Variants in FREM3 observed in about 807,000 individuals in gnomAD.
The protein encoded by FREM3 is FRAS1 related extracellular matrix 3.
A neutral mutation model predicts 129.1 loss-of-function variants in FREM3; 105 were observed. The ratio of observed to expected loss-of-function variants is 0.81; its 90% CI spans 0.69 to 0.96. FREM3 has a LOEUF of 0.96. Ranked by LOEUF, FREM3 falls within the 40% of genes least tolerant of loss-of-function variation. The pLI is 0.00. For synonymous variants in FREM3, 1,014 were observed against 1,044.9 expected (o/e 0.97, Z 0.57); for missense variants, 2,593 against 2,666.3 (o/e 0.97, Z 0.61).
intron 5 of FREM3, among the ~76,000 whole-genome samples, chr4:143,614,438 T>C (rs1738811060): frequency 6.6e-6 from 1 of 152,258 alleles, no homozygotes; most frequent in Non-Finnish European, 1.5e-5. Context: ...CTGGCGATTG[T>C]CTGTACATAT....
Position 143,577,354 on chromosome 4 carries a change from C to T in FREM3, c.*257G>A. 1 of 486,548 alleles carries T rather than the reference C, an allele frequency of 2.1e-6. No homozygotes were observed. The highest frequency in any genetic ancestry group is 4.7e-5 in the South Asian group (1 of 21,330). 30.1% of individuals were successfully genotyped at this position (486,548 alleles called of 1,614,324 possible). A position where few individuals can be genotyped will look rare whatever the true frequency, so the allele number is the denominator to read the frequency against. ...TGATCACAGTGGATTTCTTACTTGC[C>T]TCAGAAACAAAGTAAAACAAAATAG... On this transcript the variant is annotated 3_prime_UTR_variant, in exon 8 of 8. Coordinates refer to ENST00000329798, the MANE Select transcript of FREM3 (RefSeq NM_001168235.2).
intron 2 of FREM3, 135 bp from the exon 3 acceptor site, chr4:143,627,895 AG>A: frequency 1.6e-6 from 1 of 639,742 alleles, no homozygotes; most frequent in South Asian, 2.0e-5. Context: ...TTTTTTTGGT[AG>A]AGAGAGGAAA....
At position 143,624,092 on chromosome 4, in the gene FREM3, A is replaced by G. The variant is rs1739002654; in HGVS notation, c.5653+16T>C. 1 of 1,406,206 alleles carries G rather than the reference A, an allele frequency of 7.1e-7. No individual in the cohort carries two copies. The highest frequency in any genetic ancestry group is 2.0e-5 in the Admixed American group (1 of 50,820). The allele number at this position is 1,406,206 out of a possible 1,614,324, so 87.1% of individuals were successfully genotyped here. A position where few individuals can be genotyped will look rare whatever the true frequency, so the allele number is the denominator to read the frequency against. Reference sequence around the variant, plus strand: ...CCTGTACTGGTTAATAAAGCAAATCAATCAGTGTCACATACCATCTCCAGG... The same window carrying G: ...CCTGTACTGGTTAATAAAGCAAATCGATCAGTGTCACATACCATCTCCAGG... On this transcript the variant is annotated intron_variant, in intron 4 of 7. Transcript: ENST00000329798.
rs945893861 is a variant in FREM3 at position 143,697,427 on chromosome 4, A to G, written c.3249T>C (p.Gly1083=). The G allele has an allele frequency of 3.3e-5, 51 of 1,537,034 alleles. No individual in the cohort carries two copies. The East Asian group carries it at 1.2e-3, about 38-fold the overall frequency. The change falls in exon 1 of 8, where the codon GGT becomes GGC. Residue 1083 remains glycine (G), a synonymous_variant. Coordinates refer to ENST00000329798, the MANE Select transcript of FREM3 (RefSeq NM_001168235.2). ...FVGESFIVYE[G]EKNSLTLQHL... ...GTTGTAAGGTCAAGGAGTTCTTCTC[A>G]CCTTCATAGACAATGAAGGACTCCC...
intron 2 of FREM3, among the ~76,000 whole-genome samples, chr4:143,661,473 C>T (rs1019871706): frequency 2.0e-5 from 3 of 151,856 alleles, no homozygotes; most frequent in African/African-American, 7.3e-5. Flanking sequence ...TTTTGATGTG[C>T]TGCTGGATTC....
intron 6 of FREM3, among the ~76,000 whole-genome samples, chr4:143,602,381 G>C (rs1254599372): frequency 6.6e-6 from 1 of 152,102 alleles, no homozygotes; most frequent in Non-Finnish European, 1.5e-5. Context: ...CCTTGTGGTT[G>C]TTTCCTCAAG....
At chr4:143,678,244 C>A (rs774307202) in intron 2 of FREM3, among the ~76,000 whole-genome samples, 4 of 152,134 alleles carry the variant, frequency 2.6e-5, no homozygotes, top group Non-Finnish European at 4.4e-5. Flanking sequence ...TTTGTAGAGA[C>A]ATGGATAAAG....
chr4:143,682,671 A>G (rs1298533805), intron 2 of FREM3, among the ~76,000 whole-genome samples: 1 of 152,224 alleles, frequency 6.6e-6, no homozygotes, highest in African/African-American at 2.4e-5. Flanking sequence ...GAACCTGGAC[A>G]ACTTGTAGTC....
intron 2 of FREM3, among the ~76,000 whole-genome samples, chr4:143,661,731 G>C: frequency 6.6e-6 from 1 of 152,206 alleles, no homozygotes; most frequent in South Asian, 2.1e-4. Context: ...GAGTCTTTTT[G>C]GTTGGTAAGC....
In FREM3 at chr4:143,611,303, T is replaced by C. The variant is rs1560843948; in HGVS notation, c.6004A>G (p.Thr2002Ala). ...CCATCATAACGATCAGCCAGAATAGTCACCTTAGTGGTGGGGAATCTGGCT... is the reference window on the plus strand; with the variant it reads ...CCATCATAACGATCAGCCAGAATAGCCACCTTAGTGGTGGGGAATCTGGCT... ...LGARFPTTKV[T>A]ILADRYDEPV... The change falls in exon 6 of 8, where the codon ACT (threonine) becomes GCT (alanine). Residue 2002 changes from threonine (T) to alanine (A), a missense_variant. Thr to Ala is a moderately conservative substitution (Grantham distance 58). Around this residue, in one of 2 missense-constraint regions of FREM3, gnomAD observed 317 missense variants for 399.0 expected, o/e 0.79. Coordinates refer to ENST00000329798, the MANE Select transcript of FREM3 (RefSeq NM_001168235.2). The C allele has an allele frequency of 1.3e-6, 2 of 1,537,000 alleles. No individual in the cohort carries two copies. Among genetic ancestry groups the C allele is most frequent in the East Asian group, 2.4e-5 (1 of 40,910 alleles).
Position 143,676,386 on chromosome 4 carries a change from G to A in FREM3, c.5275+16727C>T, listed in dbSNP as rs113543113. Among the ~76,000 whole-genome samples, 11 of 152,256 alleles carry A rather than the reference G, an allele frequency of 7.2e-5. No individual in the cohort carries two copies. In the South Asian group the frequency reaches 8.3e-4, roughly 11 times the overall value. ...TCAGTAAATTAGGTATTGTTAGGAC[G>A]TATCTCAAAATAATAAGAGCTATTC... On this transcript the variant is annotated intron_variant, in intron 2 of 7. Transcript: ENST00000329798.
chr4:143,593,995 G>C (rs915542700), intron 6 of FREM3, among the ~76,000 whole-genome samples: 4 of 152,206 alleles, frequency 2.6e-5, no homozygotes, highest in Non-Finnish European at 5.9e-5. Flanking sequence ...CTAGCAATGA[G>C]CGAGGCTCTG....
chr4:143,649,401 C>G (rs982091053), intron 2 of FREM3: 2 of 152,138 alleles, frequency 1.3e-5, no homozygotes, highest in African/African-American at 4.8e-5. Flanking sequence ...CCTCCTGATC[C>G]CATTACAGAC....
At chr4:143,656,148 C>A (rs539141171) in intron 2 of FREM3, among the ~76,000 whole-genome samples, 124 of 152,208 alleles carry the variant, frequency 8.1e-4, no homozygotes, top group African/African-American at 2.9e-3. Flanking sequence ...TAGATAAACA[C>A]CCAAGCCTAA....
intron 2 of FREM3, among the ~76,000 whole-genome samples, chr4:143,669,970 G>T (rs943881498): frequency 6.6e-6 from 1 of 152,064 alleles, no homozygotes; most frequent in Non-Finnish European, 1.5e-5. Context: ...ATTGTTACAA[G>T]AACTATGTAA....
At chr4:143,659,967 A>C (rs920622370) in intron 2 of FREM3, among the ~76,000 whole-genome samples, 5 of 150,724 alleles carry the variant, frequency 3.3e-5, no homozygotes, top group African/African-American at 1.2e-4. Context: ...AGTTCATTGT[A>C]GATTCTGGAT....
At chr4:143,588,165 C>A (rs536010606) in intron 6 of FREM3, among the ~76,000 whole-genome samples, 2 of 152,112 alleles carry the variant, frequency 1.3e-5, no homozygotes, top group Non-Finnish European at 2.9e-5. Flanking sequence ...TGGTCTCCTT[C>A]GAGCCCCCTC....
At chr4:143,638,289 A>G (rs1189962798) in intron 2 of FREM3, among the ~76,000 whole-genome samples, 1 of 152,172 alleles carries the variant, frequency 6.6e-6, no homozygotes, top group Non-Finnish European at 1.5e-5. Context: ...AAACGATTAT[A>G]TTAGCAGAAG....
At chr4:143,674,854 T>G (rs1353871000) in intron 2 of FREM3, among the ~76,000 whole-genome samples, 1 of 152,178 alleles carries the variant, frequency 6.6e-6, no homozygotes, top group South Asian at 2.1e-4. Flanking sequence ...GTCCTAAATA[T>G]ATATTCACCC....
Sources: allele counts gnomAD v4.1 joint callset (sites outside exome capture counted in the v4.1 genomes callset), GRCh38; gene constraint gnomAD v4.1.1; regional missense constraint gnomAD v4.1.1; transcripts MANE v1.5; gene names NCBI Gene and HGNC (gene_info 2026-07-23, HGNC 2026-07-21).